AGMO: variants seen among roughly 807,000 people sequenced by gnomAD.
AGMO encodes the protein alkylglycerol monooxygenase.
AGMO carries 75 observed loss-of-function variants against 60.2 expected under a neutral mutation model. The observed-to-expected ratio is 1.25, with a 90% CI of 1.03 to 1.51. AGMO has a LOEUF of 1.51. Ranked by LOEUF, AGMO falls within the 40% of genes most tolerant of loss-of-function variation. The pLI is 0.00. For synonymous variants in AGMO, 261 were observed against 177.1 expected, an observed-to-expected ratio of 1.47 and a Z score of -3.76; for missense variants, 763 against 525.5, an observed-to-expected ratio of 1.45 and a Z score of -4.42.
chr7:15,165,896 T>C, the AGMO span, among the ~76,000 whole-genome samples: 1 of 152,190 alleles, frequency 6.6e-6, no homozygotes, highest in Non-Finnish European at 1.5e-5. Flanking sequence ...GAAGAATTTA[T>C]TGTGTACTCA....
In AGMO at chr7:15,290,443, G is replaced by A. The variant is rs560996219; in HGVS notation, c.1263+75071C>T. ...ACTTTTGGATTAAATAAAAATCTAC[G>A]AAATTTTCTCTTTGAAGGACTTCTT... On this transcript the variant is annotated intron_variant, in intron 12 of 12. Coordinates refer to ENST00000342526, the MANE Select transcript of AGMO (RefSeq NM_001004320.2). 7.9e-5 allele frequency among the ~76,000 whole-genome samples: 12 copies of A among 152,220 alleles called. No homozygotes were observed. The South Asian group carries it at 1.9e-3, about 24-fold the overall frequency.
At chr7:15,191,620 A>T in the AGMO span, among the ~76,000 whole-genome samples, 10,497 of 152,248 alleles carry the variant, frequency 0.069, 1,154 homozygotes, top group African/African-American at 0.23. Context: ...TCTTCGTCAA[A>T]TTGAATGGAT....
chr7:15,356,862 C>A (rs955448945), intron 12 of AGMO, among the ~76,000 whole-genome samples: 6 of 150,126 alleles, frequency 4.0e-5, no homozygotes, highest in African/African-American at 1.5e-4. Flanking sequence ...AATCCCAGCA[C>A]TTTGGGAGGC....
intron 3 of AGMO, among the ~76,000 whole-genome samples, chr7:15,466,857 G>A (rs371981688): frequency 1.1e-4 from 16 of 152,174 alleles, no homozygotes; most frequent in African/African-American, 2.6e-4. Context: ...CATACTTTGC[G>A]TTAATTGTAC....
intron 5 of AGMO, among the ~76,000 whole-genome samples, chr7:15,411,864 A>G (rs543764871): frequency 6.6e-6 from 1 of 152,138 alleles, no homozygotes; most frequent in African/African-American, 2.4e-5. Context: ...CCTAAAAAAA[A>G]GTATCTTTAC....
chr7:15,139,962 T>C, the AGMO span, among the ~76,000 whole-genome samples: 1 of 150,858 alleles, frequency 6.6e-6, no homozygotes, highest in East Asian at 1.9e-4. Context: ...AACCTTATAA[T>C]GGCAGGAAAT....
At chr7:15,520,102 G>C (rs1307011124) in intron 3 of AGMO, among the ~76,000 whole-genome samples, 1 of 151,540 alleles carries the variant, frequency 6.6e-6, no homozygotes, top group Non-Finnish European at 1.5e-5. Flanking sequence ...AGACAAAGAA[G>C]GGCATCATAT....
At chr7:15,279,643 C>A (rs2128518058) in intron 12 of AGMO, among the ~76,000 whole-genome samples, 1 of 152,254 alleles carries the variant, frequency 6.6e-6, no homozygotes, top group Admixed American at 6.5e-5. Context: ...AATGCAGGAA[C>A]TTAACAGGAA....
At chr7:15,548,278 C>G (rs1476502844) in intron 2 of AGMO, among the ~76,000 whole-genome samples, 1 of 151,562 alleles carries the variant, frequency 6.6e-6, no homozygotes, top group South Asian at 2.1e-4. Flanking sequence ...TCCAAAGGAA[C>G]GCAGTTCCTC....
intron 12 of AGMO, among the ~76,000 whole-genome samples, chr7:15,336,469 ATTC>A (rs757979934): frequency 3.1e-4 from 47 of 152,136 alleles, no homozygotes; most frequent in Admixed American, 9.8e-4. Context: ...CCCACTTGTT[ATTC>A]TTCATCTTGA....
At chr7:15,206,459 T>C (rs998049608) in intron 12 of AGMO, among the ~76,000 whole-genome samples, 1 of 152,128 alleles carries the variant, frequency 6.6e-6, no homozygotes, top group Admixed American at 6.5e-5. Flanking sequence ...CTTATTTCTA[T>C]ACCCCATTCA....
the AGMO span, among the ~76,000 whole-genome samples, chr7:15,187,020 C>T: frequency 9.9e-5 from 15 of 152,192 alleles, no homozygotes; most frequent in Non-Finnish European, 1.9e-4. Flanking sequence ...ATTCATCTTT[C>T]CCACGCTGCT....
chr7:15,286,837 C>T (rs1385692801), intron 12 of AGMO, among the ~76,000 whole-genome samples: 1 of 152,030 alleles, frequency 6.6e-6, no homozygotes, highest in Non-Finnish European at 1.5e-5. Context: ...TACCCATCAA[C>T]CAATGAGTGG....
the AGMO span, among the ~76,000 whole-genome samples, chr7:15,131,444 A>G: frequency 1.3e-5 from 2 of 152,238 alleles, no homozygotes; most frequent in South Asian, 4.1e-4. Flanking sequence ...AGGCATAAAC[A>G]AATGAGTTGA....
At chr7:15,266,260 A>G (rs754907809) in intron 12 of AGMO, among the ~76,000 whole-genome samples, 5 of 152,174 alleles carry the variant, frequency 3.3e-5, no homozygotes, top group Non-Finnish European at 7.4e-5. Flanking sequence ...ATCCACTTTT[A>G]GTTTTGCAAG....
chr7:15,248,222 A>ATATATATCTATC (rs1554401294), intron 12 of AGMO, among the ~76,000 whole-genome samples: 2 of 104,198 alleles, frequency 1.9e-5, no homozygotes, highest in African/African-American at 7.3e-5. Flanking sequence ...ATATATATAT[A>ATATATATCTATC]TATCTTCATC....
chr7:15,231,714 G>C (rs867367345), intron 12 of AGMO, among the ~76,000 whole-genome samples: 66 of 152,270 alleles, frequency 4.3e-4, no homozygotes, highest in African/African-American at 1.5e-3. Flanking sequence ...TTATTTGTAA[G>C]GATAATGTTA....
chr7:15,191,719 GTTTT>G, the AGMO span, among the ~76,000 whole-genome samples: 1 of 152,076 alleles, frequency 6.6e-6, no homozygotes, highest in African/African-American at 2.4e-5. Context: ...ACTATTAAAA[GTTTT>G]TTTAAGGCAC....
chr7:15,466,215 T>C (rs1180706530), intron 3 of AGMO, among the ~76,000 whole-genome samples: 1 of 152,162 alleles, frequency 6.6e-6, no homozygotes, highest in Non-Finnish European at 1.5e-5. Context: ...ATAACAGCTC[T>C]ATCTTTATTC....
Sources: gnomAD v4.1 joint callset for allele counts (sites outside exome capture counted in the v4.1 genomes callset) on GRCh38, gnomAD v4.1.1 for gene constraint, MANE v1.5 for transcripts, NCBI Gene and HGNC (gene_info 2026-07-23, HGNC 2026-07-21) for gene names.